Variants in VEGFC observed in about 807,000 individuals in gnomAD.
VEGFC encodes the protein FLT4 ligand DHM.
In VEGFC, 12 loss-of-function variants were observed where a neutral mutation model predicts 46.1. The ratio of observed to expected loss-of-function variants is 0.26; its 90% confidence interval spans 0.17 to 0.42. The LOEUF (loss-of-function observed/expected upper bound fraction) is 0.42. VEGFC is among the 10% of genes least tolerant of loss of function. The probability of loss-of-function intolerance (pLI) is 1.00; values close to 1 mark genes in which losing one functional copy is unlikely to be tolerated. For synonymous variants in VEGFC, 232 were observed against 195.5 expected (o/e 1.19, Z -1.56); for missense variants, 488 against 529.4 (o/e 0.92, Z 0.77).
In VEGFC at chr4:176,792,816, G is replaced by C. The variant is rs1289998782; in HGVS notation, c.-505C>G. On this transcript the variant is annotated 5_prime_UTR_variant, in exon 1 of 7. Transcript: ENST00000618562. This position sits in a 1 kb window ranked among gnomAD's most constrained non-coding sequence, Gnocchi z 6.3. ...GTGCCGGGGGCGGGAGGAGGGCGGC[G>C]GGGCGGCTGGCGGCGGCGGGGCCCG... 3 of 147,022 alleles carry C rather than the reference G, an allele frequency of 2.0e-5. No homozygotes were observed. The highest frequency in any genetic ancestry group is 4.6e-5 in the Non-Finnish European group (3 of 65,840). The allele number at this position is 147,022 out of a possible 1,614,324, so 9.1% of individuals were successfully genotyped here. A position where few individuals can be genotyped will look rare whatever the true frequency, so the allele number is the denominator to read the frequency against.
intron 3 of VEGFC, among the ~76,000 whole-genome samples, chr4:176,721,143 G>A (rs920333477): frequency 4.6e-5 from 7 of 152,150 alleles, no homozygotes; most frequent in African/African-American, 1.7e-4. Flanking sequence ...GGTAAGTAGT[G>A]TTTGTGGGGA....
intron 1 of VEGFC, among the ~76,000 whole-genome samples, chr4:176,754,759 T>C (rs550442495): frequency 1.3e-5 from 2 of 152,148 alleles, no homozygotes; most frequent in East Asian, 3.9e-4. Flanking sequence ...TTGGGGGCCA[T>C]TATTCTGCTT....
At chr4:176,733,874 C>T (rs1014670204) in intron 1 of VEGFC, among the ~76,000 whole-genome samples, 2 of 151,798 alleles carry the variant, frequency 1.3e-5, no homozygotes, top group South Asian at 2.1e-4. Flanking sequence ...AAAGGGGAGA[C>T]ACAACCCTAA....
intron 4 of VEGFC, among the ~76,000 whole-genome samples, chr4:176,694,028 C>A (rs1734260284): frequency 6.6e-6 from 1 of 150,956 alleles, no homozygotes; most frequent in African/African-American, 2.5e-5. Flanking sequence ...CAAAATCATG[C>A]CAAAATGTAA....
rs1437421092 is a variant in VEGFC, at chr4:176,692,250, C to T, written c.705-4323G>A. ...TCTACTAAAAATACAAAAAATTAGC[C>T]GGGCGTAGTGGCGGGCGCCTGTAGT... On this transcript the variant is annotated intron_variant, in intron 4 of 6. Coordinates refer to ENST00000618562, the MANE Select transcript of VEGFC (RefSeq NM_005429.5). Among the ~76,000 whole-genome samples, 6 of 140,342 alleles carry T rather than the reference C, an allele frequency of 4.3e-5. No individual in the cohort carries two copies. In the East Asian group the frequency reaches 7.9e-4, roughly 19 times the overall value. 92.1% of individuals were successfully genotyped at this position (140,342 alleles called of 152,430 possible).
chr4:176,729,850 TA>T (rs1304815292), intron 1 of VEGFC, 104 bp from the exon 2 acceptor site: 1 of 661,746 alleles, frequency 1.5e-6, no homozygotes, highest in Non-Finnish European at 2.2e-6. Flanking sequence ...CTCCGTTCCC[TA>T]ACACAAATAT....
chr4:176,780,940 A>G (rs1735904510), intron 1 of VEGFC, among the ~76,000 whole-genome samples: 1 of 152,238 alleles, frequency 6.6e-6, no homozygotes, highest in Non-Finnish European at 1.5e-5. Flanking sequence ...TAAAATAACT[A>G]CACTGTGCTC....
chr4:176,735,067 C>T (rs1735030996), intron 1 of VEGFC, among the ~76,000 whole-genome samples: 1 of 151,648 alleles, frequency 6.6e-6, no homozygotes, highest in Non-Finnish European at 1.5e-5. Flanking sequence ...TATTTCAAGC[C>T]ACCTCTGTCA....
rs527551954 is a variant in VEGFC, at chr4:176,792,808, A to AGGGCGGCGGGGCGGCG, written c.-498_-497insCGCCGCCCCGCCGCCC. Reference sequence around the variant, plus strand: ...TGGCGGCGGTGCCGGGGGCGGGAGGAGGGCGGCGGGGCGGCTGGCGGCGGC... The same window carrying AGGGCGGCGGGGCGGCG: ...TGGCGGCGGTGCCGGGGGCGGGAGGAGGGCGGCGGGGCGGCGGGGCGGCGGGGCGGCTGGCGGCGGC... On this transcript the variant is annotated 5_prime_UTR_variant, in exon 1 of 7. The change creates a premature stop within an existing upstream ORF in the 5' untranslated region. Coordinates refer to ENST00000618562, the MANE Select transcript of VEGFC (RefSeq NM_005429.5). This position sits in a 1 kb window ranked among gnomAD's most constrained non-coding sequence, Gnocchi z 6.3. The AGGGCGGCGGGGCGGCG allele has an allele frequency of 5.6e-5, 8 of 143,372 alleles. No individual in the cohort carries two copies. Among genetic ancestry groups the AGGGCGGCGGGGCGGCG allele is most frequent in the South Asian group, 5.6e-4 (3 of 5,388 alleles). 8.9% of individuals were successfully genotyped at this position (143,372 alleles called of 1,614,324 possible). A position where few individuals can be genotyped will look rare whatever the true frequency, so the allele number is the denominator to read the frequency against.
At chr4:176,743,097 G>A (rs1735203669) in intron 1 of VEGFC, among the ~76,000 whole-genome samples, 1 of 152,018 alleles carries the variant, frequency 6.6e-6, no homozygotes, top group Non-Finnish European at 1.5e-5. Flanking sequence ...AAAGTGAGAA[G>A]CACAAGAACA....
At chr4:176,689,081 C>G (rs1315889382) in intron 4 of VEGFC, among the ~76,000 whole-genome samples, 1 of 152,148 alleles carries the variant, frequency 6.6e-6, no homozygotes, top group Non-Finnish European at 1.5e-5. Context: ...CTTCTCACTA[C>G]CTCATTTTTT....
chr4:176,779,962 G>C (rs1735883620), intron 1 of VEGFC, among the ~76,000 whole-genome samples: 1 of 152,202 alleles, frequency 6.6e-6, no homozygotes, highest in African/African-American at 2.4e-5. Flanking sequence ...CCATGTTTAA[G>C]ACATCTTGGT....
chr4:176,735,015 A>G (rs570363868), intron 1 of VEGFC, among the ~76,000 whole-genome samples: 1 of 151,742 alleles, frequency 6.6e-6, no homozygotes, highest in African/African-American at 2.4e-5. Flanking sequence ...AATGCTATCT[A>G]TAGATGATGA....
At chr4:176,696,728 C>T (rs945790687) in intron 4 of VEGFC, among the ~76,000 whole-genome samples, 5 of 152,072 alleles carry the variant, frequency 3.3e-5, no homozygotes, top group African/African-American at 1.2e-4. Flanking sequence ...TACCTGACTT[C>T]AAACTATACC....
intron 1 of VEGFC, among the ~76,000 whole-genome samples, chr4:176,779,968 T>C (rs1325505850): frequency 6.6e-6 from 1 of 152,212 alleles, no homozygotes; most frequent in Non-Finnish European, 1.5e-5. Flanking sequence ...TTAAGACATC[T>C]TGGTCATATT....
chr4:176,734,502 T>A (rs1735022961), intron 1 of VEGFC, among the ~76,000 whole-genome samples: 1 of 151,800 alleles, frequency 6.6e-6, no homozygotes, highest in South Asian at 2.1e-4. Context: ...AACCTATCTT[T>A]AGACTAAGAA....
chr4:176,687,082 G>C, intron 6 of VEGFC, 105 bp downstream of exon 6: 1 of 1,182,298 alleles, frequency 8.5e-7, no homozygotes, highest in East Asian at 2.4e-5. Flanking sequence ...AGAATGTATT[G>C]GCCTCATTCT....
intron 1 of VEGFC, among the ~76,000 whole-genome samples, chr4:176,740,368 CTATA>C (rs1207507111): frequency 3.5e-5 from 4 of 113,016 alleles, no homozygotes; most frequent in African/African-American, 7.4e-5. Flanking sequence ...TATATATATT[CTATA>C]TATAGTTATA....
intron 1 of VEGFC, among the ~76,000 whole-genome samples, chr4:176,740,240 A>G (rs1377049687): frequency 8.2e-6 from 1 of 121,338 alleles, no homozygotes; most frequent in East Asian, 2.2e-4. Context: ...AACTATATAT[A>G]GAATATATAT....
Sources: allele counts gnomAD v4.1 joint callset (sites outside exome capture counted in the v4.1 genomes callset), GRCh38; gene constraint gnomAD v4.1.1; non-coding constraint Gnocchi (gnomAD v3.1); transcripts MANE v1.5; gene names NCBI Gene and HGNC (gene_info 2026-07-23, HGNC 2026-07-21).